The following SPECC1L variants were observed in gnomAD, a reference collection of about 807,000 sequenced individuals.
SPECC1L encodes the protein sperm antigen with calponin homology and coiled-coil domains 1 like, also known as cytospin-A.
A neutral mutation model predicts 116.8 loss-of-function variants in SPECC1L; 40 were observed. The observed-to-expected ratio is 0.34, with a 90% CI of 0.27 to 0.45. SPECC1L has a LOEUF of 0.45. SPECC1L is among the 20% of genes least tolerant of loss of function. The probability of loss-of-function intolerance (pLI) is 1.00; values close to 1 mark genes in which losing one functional copy is unlikely to be tolerated. For missense variants in SPECC1L, 1,110 were observed against 1,373.6 expected (o/e 0.81, Z 3.03); for synonymous variants, 504 against 500.6 (o/e 1.01, Z -0.09).
chr22:24,275,298 A>G (rs1413670404), intron 1 of SPECC1L, among the ~76,000 whole-genome samples: 3 of 152,238 alleles, frequency 2.0e-5, no homozygotes, highest in African/African-American at 7.2e-5. Context: ...TTCTGCCCTT[A>G]GGAGCTTTTA....
chr22:24,411,773 A>C (rs1041327125), intron 15 of SPECC1L, 69 bp downstream of exon 15: 101 of 1,293,540 alleles, frequency 7.8e-5, no homozygotes, highest in East Asian at 2.8e-4. Flanking sequence ...CAAGGGCAGC[A>C]CCTGCCTCAG....
At chr22:24,406,763 G>T (rs62233996) in intron 14 of SPECC1L, among the ~76,000 whole-genome samples, 1 of 152,194 alleles carries the variant, frequency 6.6e-6, no homozygotes, top group Non-Finnish European at 1.5e-5. Flanking sequence ...GGGCCGTGGT[G>T]GCCGTGTGGA....
In SPECC1L at chr22:24,383,546, C is replaced by G. The variant is rs553702680; in HGVS notation, c.3087+14226C>G. 7.9e-5 allele frequency among the ~76,000 whole-genome samples: 12 copies of G among 152,050 alleles called. No homozygotes were observed. The South Asian group carries it at 8.3e-4, about 11-fold the overall frequency. The stretch of plus-strand genomic sequence containing the variant: ...ACCCTTAGATAGGCTTTTAAAATAA[C>G]CAATTTATGAGTTTAAGGAAACAGA... On this transcript the variant is annotated intron_variant, in intron 14 of 16. Transcript: ENST00000314328.
intron 2 of SPECC1L, among the ~76,000 whole-genome samples, chr22:24,285,625 G>A (rs1442396008): frequency 6.6e-6 from 1 of 151,262 alleles, no homozygotes; most frequent in African/African-American, 2.4e-5. Flanking sequence ...AAACAATACT[G>A]CTGTTTTTTT....
At chr22:24,325,517 A>T (rs557782062) in intron 6 of SPECC1L, among the ~76,000 whole-genome samples, 50 of 151,696 alleles carry the variant, frequency 3.3e-4, no homozygotes, top group Non-Finnish European at 6.5e-4. Flanking sequence ...ACTGGCTGCC[A>T]CTTTCCCTTT....
intron 12 of SPECC1L, among the ~76,000 whole-genome samples, chr22:24,363,768 A>G (rs2041692360): frequency 6.6e-6 from 1 of 152,204 alleles, no homozygotes; most frequent in Admixed American, 6.5e-5. Flanking sequence ...TGCTAGAAAT[A>G]TATAAGCATG....
intron 11 of SPECC1L, among the ~76,000 whole-genome samples, chr22:24,358,200 G>A (rs907094385): frequency 1.4e-5 from 2 of 147,742 alleles, no homozygotes; most frequent in South Asian, 2.2e-4. Context: ...CTGCAGTCTC[G>A]ACTTCCTGGG....
chr22:24,356,499 C>G (rs2146599086), intron 11 of SPECC1L, among the ~76,000 whole-genome samples: 1 of 152,190 alleles, frequency 6.6e-6, no homozygotes, highest in East Asian at 1.9e-4. Flanking sequence ...CTCCAACCTT[C>G]TGTTAGTGCT....
At chr22:24,307,153 G>GC (rs1395579080) in intron 3 of SPECC1L, among the ~76,000 whole-genome samples, 1 of 151,626 alleles carries the variant, frequency 6.6e-6, no homozygotes, top group Non-Finnish European at 1.5e-5. Context: ...TTTCAATTTT[G>GC]GGGGGGGTAT....
At chr22:24,284,591 C>T (rs1352865776) in intron 2 of SPECC1L, among the ~76,000 whole-genome samples, 1 of 151,992 alleles carries the variant, frequency 6.6e-6, no homozygotes, top group East Asian at 1.9e-4. Context: ...CCCACTACCA[C>T]ATCCGGCTAA....
chr22:24,301,796 C>T (rs1355472698), intron 2 of SPECC1L, among the ~76,000 whole-genome samples: 2 of 152,152 alleles, frequency 1.3e-5, no homozygotes, highest in African/African-American at 4.8e-5. Flanking sequence ...CCTGTAATCC[C>T]AGCACTTTGA....
chr22:24,388,391 C>T (rs1413652391), intron 14 of SPECC1L, among the ~76,000 whole-genome samples: 5 of 151,040 alleles, frequency 3.3e-5, no homozygotes, highest in African/African-American at 4.9e-5. Context: ...CAGCTTCATC[C>T]GTGTCCCTAC....
intron 14 of SPECC1L, among the ~76,000 whole-genome samples, chr22:24,405,122 C>T (rs2042559677): frequency 6.6e-6 from 1 of 152,242 alleles, no homozygotes; most frequent in Non-Finnish European, 1.5e-5. Flanking sequence ...GTGGAAAGCT[C>T]TGCCTTGTGG....
chr22:24,364,331 A>G (rs1224497697), intron 12 of SPECC1L, among the ~76,000 whole-genome samples: 3 of 152,176 alleles, frequency 2.0e-5, no homozygotes, highest in African/African-American at 7.2e-5. Flanking sequence ...TTGACTTGAT[A>G]CGTTTTGGTT....
At chr22:24,325,696 G>T (rs2040807260) in intron 6 of SPECC1L, among the ~76,000 whole-genome samples, 1 of 152,028 alleles carries the variant, frequency 6.6e-6, no homozygotes, top group Non-Finnish European at 1.5e-5. Context: ...GAGAAAAAGA[G>T]CAAAGGAATG....
At chr22:24,355,281 C>CAAAAAA (rs751981921) in intron 11 of SPECC1L, among the ~76,000 whole-genome samples, 1 of 56,006 alleles carries the variant, frequency 1.8e-5, no homozygotes, top group Non-Finnish European at 3.5e-5. Flanking sequence ...GACTCCATCT[C>CAAAAAA]AAAAAAAAAA....
intron 2 of SPECC1L, among the ~76,000 whole-genome samples, chr22:24,287,286 C>T (rs1322127128): frequency 3.3e-5 from 5 of 152,114 alleles, no homozygotes; most frequent in African/African-American, 1.2e-4. Flanking sequence ...CAGGTATCGG[C>T]GCTGGGGTAT....
intron 2 of SPECC1L, among the ~76,000 whole-genome samples, chr22:24,279,562 AT>A (rs1251881307): frequency 1.4e-5 from 2 of 147,708 alleles, no homozygotes; most frequent in East Asian, 3.9e-4. Flanking sequence ...TGTACATTTT[AT>A]TTTTTTAATT....
intron 10 of SPECC1L, among the ~76,000 whole-genome samples, chr22:24,339,703 T>C (rs917354461): frequency 6.6e-6 from 1 of 152,264 alleles, no homozygotes; most frequent in Admixed American, 6.5e-5. Context: ...ACATTTGTGC[T>C]GTGTTTACTA....
Sources: gnomAD v4.1 joint callset for allele counts (sites outside exome capture counted in the v4.1 genomes callset) on GRCh38, gnomAD v4.1.1 for gene constraint, MANE v1.5 for transcripts, NCBI Gene and HGNC (gene_info 2026-07-23, HGNC 2026-07-21) for gene names.